PTPRG: variants seen among roughly 807,000 people sequenced by gnomAD.
PTPRG encodes the protein protein tyrosine phosphatase receptor type G.
PTPRG carries 102 observed loss-of-function variants against 165.3 expected under a neutral mutation model. The ratio of observed to expected loss-of-function variants is 0.62; its 90% CI spans 0.53 to 0.73. PTPRG has a LOEUF of 0.73. Ranked by LOEUF, PTPRG falls within the 30% of genes least tolerant of loss-of-function variation. The pLI, the probability that PTPRG is intolerant of heterozygous loss-of-function variation, is 0.00. For synonymous variants in PTPRG, 675 were observed against 669.5 expected (o/e 1.01, Z -0.13); for missense variants, 1,866 against 1,861.4 (o/e 1.00, Z -0.05).
At chr3:61,743,283 T>A (rs1406076012) in intron 1 of PTPRG, among the ~76,000 whole-genome samples, 1 of 152,174 alleles carries the variant, frequency 6.6e-6, no homozygotes, top group African/African-American at 2.4e-5. Flanking sequence ...GCAACCAACT[T>A]GACTTAAGAT....
chr3:62,269,085 CATT>C lies in PTPRG; in HGVS notation c.2929_2931del (p.Ile977del). ...CAGAGAACAGTGAGGAATATGGAAA[CATT>C]ATTGTCACGCTGAAGAGCACAAAAA... is the stretch of plus-strand genomic sequence containing the variant. On this transcript the variant is annotated inframe_deletion, in exon 20 of 30. Transcript: ENST00000474889. 2 of 1,607,398 alleles carry C rather than the reference CATT, an allele frequency of 1.2e-6. No individual in the cohort carries two copies. Among genetic ancestry groups the C allele is most frequent in the Non-Finnish European group, 1.7e-6 (2 of 1,174,988 alleles).
At chr3:62,277,799 T>G (rs1702281504) in intron 26 of PTPRG, 120 bp downstream of exon 26, 2 of 1,268,588 alleles carry the variant, frequency 1.6e-6, no homozygotes, top group East Asian at 2.4e-5. Flanking sequence ...TTTAAAATTT[T>G]TAAATTCTCA....
intron 2 of PTPRG, among the ~76,000 whole-genome samples, chr3:61,881,586 A>G (rs1333276103): frequency 3.3e-5 from 5 of 152,236 alleles, no homozygotes. Context: ...TGGGTTTTCC[A>G]TGAGCAAGTT....
At chr3:61,702,967 T>C (rs1403197) in intron 1 of PTPRG, among the ~76,000 whole-genome samples, 19,360 of 152,256 alleles carry the variant, frequency 0.13, 1,546 homozygotes, top group Non-Finnish European at 0.17. Context: ...TGCACATTTG[T>C]ATGCAGTTCC....
At chr3:61,761,268 T>C (rs554530312) in intron 2 of PTPRG, among the ~76,000 whole-genome samples, 2 of 152,286 alleles carry the variant, frequency 1.3e-5, no homozygotes, top group Admixed American at 6.5e-5. Context: ...ATCTGTTGTT[T>C]CTTGACTTTC....
intron 8 of PTPRG, among the ~76,000 whole-genome samples, chr3:62,181,286 A>G (rs1705639026): frequency 6.6e-6 from 1 of 152,162 alleles, no homozygotes; most frequent in Non-Finnish European, 1.5e-5. Context: ...CCACCCCGGG[A>G]TAAACCCCAG....
At position 62,229,040 on chromosome 3, in the gene PTPRG, C is replaced by T. The variant is rs917670541; in HGVS notation, c.2289-2185C>T. Among the ~76,000 whole-genome samples, 1 of 151,990 alleles carries T rather than the reference C, an allele frequency of 6.6e-6. No individual in the cohort carries two copies. Among genetic ancestry groups the T allele is most frequent in the African/African-American group, 2.4e-5 (1 of 41,376 alleles). On this transcript the variant is annotated intron_variant, in intron 13 of 29. Coordinates refer to ENST00000474889, the MANE Select transcript of PTPRG (RefSeq NM_002841.4). The surrounding 1 kb of genome is among the most constrained non-coding windows in gnomAD (Gnocchi z 4.6). Reference sequence around the variant, plus strand: ...ATCATTAGGAATAATTTTTACAGTTCAGCTTTTCAAAGCCTGACAATGTGT... The same window carrying T: ...ATCATTAGGAATAATTTTTACAGTTTAGCTTTTCAAAGCCTGACAATGTGT...
intron 2 of PTPRG, among the ~76,000 whole-genome samples, chr3:61,971,915 G>C (rs2040394290): frequency 6.6e-6 from 1 of 152,226 alleles, no homozygotes; most frequent in Non-Finnish European, 1.5e-5. Flanking sequence ...GTTGTTATTT[G>C]TGTGTTTTAG....
At chr3:62,253,103 AC>A (rs1488638224) in intron 15 of PTPRG, among the ~76,000 whole-genome samples, 1 of 152,220 alleles carries the variant, frequency 6.6e-6, no homozygotes, top group Admixed American at 6.5e-5. Flanking sequence ...GCAGAAAAAA[AC>A]AATAAGCAGT....
At chr3:62,223,312 A>C (rs976379304) in intron 13 of PTPRG, among the ~76,000 whole-genome samples, 4 of 152,192 alleles carry the variant, frequency 2.6e-5, no homozygotes, top group Non-Finnish European at 5.9e-5. Context: ...GCCACACTCC[A>C]CCACACTGTT....
chr3:61,739,531 T>C (rs114784359), intron 1 of PTPRG, among the ~76,000 whole-genome samples: 250 of 152,324 alleles, frequency 1.6e-3, no homozygotes, highest in African/African-American at 5.7e-3. Context: ...TTGTGAAGTA[T>C]AGTTGTAGTG....
chr3:61,683,179 A>G (rs1703509808), intron 1 of PTPRG, among the ~76,000 whole-genome samples: 1 of 152,224 alleles, frequency 6.6e-6, no homozygotes, highest in South Asian at 2.1e-4. Context: ...TGCTCTTTTC[A>G]GTCAGCATTG....
At chr3:62,016,125 G>A (rs1432182850) in intron 4 of PTPRG, among the ~76,000 whole-genome samples, 3 of 152,020 alleles carry the variant, frequency 2.0e-5, no homozygotes, top group African/African-American at 7.2e-5. Flanking sequence ...AATAGACATA[G>A]AGTACTTTGA....
chr3:61,992,830 C>A (rs905450088), intron 3 of PTPRG, among the ~76,000 whole-genome samples: 34 of 151,898 alleles, frequency 2.2e-4, no homozygotes, highest in African/African-American at 8.2e-4. Flanking sequence ...CCATGCCCGG[C>A]TAATTTTTGT....
intron 1 of PTPRG, among the ~76,000 whole-genome samples, chr3:61,723,354 T>C (rs1043349996): frequency 3.3e-5 from 5 of 152,188 alleles, no homozygotes; most frequent in African/African-American, 1.2e-4. Flanking sequence ...TGCTAAGTTT[T>C]ATCTGCCCTC....
intron 2 of PTPRG, among the ~76,000 whole-genome samples, chr3:61,781,593 GTCTCTGAT>G (rs557708836): frequency 1.4e-4 from 21 of 152,060 alleles, no homozygotes; most frequent in Admixed American, 4.6e-4. Flanking sequence ...AACCAGATTT[GTCTCTGAT>G]TCTCTGATTT....
rs188208609 is a variant in PTPRG, at chr3:62,104,061, T to G, written c.615+25803T>G. ...GTCTAGAGTATTAGGTATATTTTTG[T>G]TACTTTATGGAGCCTAAGCTTGCTG... On this transcript the variant is annotated intron_variant, in intron 5 of 29. Transcript: ENST00000474889. 7.2e-5 allele frequency among the ~76,000 whole-genome samples: 11 copies of G among 152,354 alleles called. No individual in the cohort carries two copies. The East Asian group carries it at 2.1e-3, about 29-fold the overall frequency.
intron 1 of PTPRG, among the ~76,000 whole-genome samples, chr3:61,680,744 G>GTGAGATTGAGTTAATCTTA (rs1215618952): frequency 2.8e-4 from 20 of 70,444 alleles, no homozygotes; most frequent in South Asian, 9.4e-4. Flanking sequence ...ATCAGGTGTG[G>GTGAGATTGAGTTAATCTTA]TACAGGTTGC....
At chr3:62,128,495 C>T (rs974188954) in intron 5 of PTPRG, among the ~76,000 whole-genome samples, 3 of 151,866 alleles carry the variant, frequency 2.0e-5, no homozygotes, top group African/African-American at 7.3e-5. Flanking sequence ...GGATAAATTG[C>T]ATTTGTTTGT....
Sources: gnomAD v4.1 joint callset for allele counts (sites outside exome capture counted in the v4.1 genomes callset) on GRCh38, gnomAD v4.1.1 for gene constraint, Gnocchi (gnomAD v3.1) non-coding constraint, MANE v1.5 for transcripts, NCBI Gene and HGNC (gene_info 2026-07-23, HGNC 2026-07-21) for gene names.